Variants in PTGER4 observed in about 807,000 individuals in gnomAD.
The protein encoded by PTGER4 is prostaglandin E2 receptor EP4 subtype.
PTGER4 carries 11 observed loss-of-function variants against 33.2 expected under a neutral mutation model. The ratio of observed to expected loss-of-function variants is 0.33; its 90% CI spans 0.21 to 0.55. The LOEUF is 0.55. Ranked by LOEUF, PTGER4 falls within the 20% of genes least tolerant of loss-of-function variation. The pLI is 0.92. For missense variants in PTGER4, 481 were observed against 650.2 expected (o/e 0.74, Z 2.83); for synonymous variants, 275 against 281.5 (o/e 0.98, Z 0.23).
intron 2 of PTGER4, among the ~76,000 whole-genome samples, chr5:40,689,206 G>A (rs780814657): frequency 6.6e-6 from 1 of 152,166 alleles, no homozygotes; most frequent in Non-Finnish European, 1.5e-5. Context: ...ATTTTGCAAT[G>A]AGTGTAAGTT....
chr5:40,692,005 A>T lies in PTGER4; in HGVS notation c.1094A>T (p.Asp365Val). 6.2e-7 allele frequency: 1 copy of T among 1,614,204 alleles called. No homozygotes were observed. The highest frequency in any genetic ancestry group is 8.5e-7 in the Non-Finnish European group (1 of 1,180,032). Residue 365 changes from aspartate to valine, a missense_variant, in exon 3 of 3, where the codon GAC becomes GTC. This residue lies in a region of PTGER4 where 172 missense variants were observed against 199.2 expected (regional missense o/e 0.86). Transcript: ENST00000302472. ...GAGCGCTCCGGACAGCACTGCTCAGACAGTCAAAGGACATCTTCTGCCATG... is the reference window on the plus strand; with the variant it reads ...GAGCGCTCCGGACAGCACTGCTCAGTCAGTCAAAGGACATCTTCTGCCATG... ...RRERSGQHCS[D>V]SQRTSSAMSG...
downstream of PTGER4, among the ~76,000 whole-genome samples, chr5:40,694,332 T>G (rs1232522435): frequency 6.6e-6 from 1 of 152,260 alleles, no homozygotes; most frequent in Non-Finnish European, 1.5e-5. Context: ...ATTGCAGGCA[T>G]GAGCCACCAT....
the PTGER4 span, among the ~76,000 whole-genome samples, chr5:40,723,958 T>A: frequency 1.3e-5 from 2 of 152,116 alleles, no homozygotes; most frequent in Non-Finnish European, 2.9e-5. Flanking sequence ...TGCAAAATGG[T>A]GTAGCCATTA....
chr5:40,736,029 A>T, the PTGER4 span, among the ~76,000 whole-genome samples: 1 of 152,178 alleles, frequency 6.6e-6, no homozygotes, highest in Non-Finnish European at 1.5e-5. Context: ...AGCAAGAAGG[A>T]CCGAGAGAAA....
At chr5:40,695,155 AATCTC>A (rs1365140977), downstream of PTGER4, among the ~76,000 whole-genome samples, 1 of 152,230 alleles carries the variant, frequency 6.6e-6, no homozygotes, top group African/African-American at 2.4e-5. Context: ...TCACACCTGT[AATCTC>A]AACACTTTGG....
the PTGER4 span, among the ~76,000 whole-genome samples, chr5:40,706,957 T>G: frequency 2.6e-5 from 4 of 152,022 alleles, no homozygotes. Context: ...AGAAATAAAA[T>G]CCTTTCCAGA....
rs1741238695 is a variant in PTGER4 at position 40,683,087 on chromosome 5, T to C, written c.867+1227T>C. 6.6e-6 allele frequency among the ~76,000 whole-genome samples: 1 copy of C among 152,244 alleles called. No individual in the cohort carries two copies. Among genetic ancestry groups the C allele is most frequent in the Non-Finnish European group, 1.5e-5 (1 of 68,042 alleles). ...TGAGTTCTTCCATCTTCCAAAACAC[T>C]GCATTCCTGGAAATTCTAAACTACC... is the stretch of plus-strand genomic sequence containing the variant. On this transcript the variant is annotated intron_variant, in intron 2 of 2. Transcript: ENST00000302472. This position sits in a 1 kb window ranked among gnomAD's most constrained non-coding sequence, Gnocchi z 4.2.
chr5:40,734,115 AT>A, the PTGER4 span, among the ~76,000 whole-genome samples: 39 of 152,340 alleles, frequency 2.6e-4, no homozygotes, highest in South Asian at 6.2e-4. Context: ...AAAGCAAGAA[AT>A]GGTGGGTATT....
At chr5:40,737,521 A>T in the PTGER4 span, among the ~76,000 whole-genome samples, 4 of 152,266 alleles carry the variant, frequency 2.6e-5, no homozygotes, top group African/African-American at 9.6e-5. Context: ...GATATATGAA[A>T]CGAATATAGA....
At chr5:40,728,225 C>G in the PTGER4 span, 1 of 764,610 alleles carries the variant, frequency 1.3e-6, no homozygotes, top group Non-Finnish European at 1.8e-6. Context: ...CGGAGGTTGC[C>G]GTGAGCTGAG....
At chr5:40,711,576 T>C in the PTGER4 span, among the ~76,000 whole-genome samples, 1 of 152,108 alleles carries the variant, frequency 6.6e-6, no homozygotes, top group African/African-American at 2.4e-5. Flanking sequence ...ACACATAGAA[T>C]TGTGATTTAT....
At chr5:40,696,782 T>C (rs1741590060), downstream of PTGER4, 2 of 859,742 alleles carry the variant, frequency 2.3e-6, no homozygotes, top group Non-Finnish European at 2.8e-6. Flanking sequence ...TTCTCTTTCT[T>C]GAGAAGGGGT....
the PTGER4 span, among the ~76,000 whole-genome samples, chr5:40,719,538 T>C: frequency 1.3e-5 from 2 of 152,366 alleles, no homozygotes; most frequent in Admixed American, 1.3e-4. Context: ...TGTGTGGACA[T>C]ATGTCTTCAT....
At chr5:40,745,295 A>C in the PTGER4 span, among the ~76,000 whole-genome samples, 1 of 147,712 alleles carries the variant, frequency 6.8e-6, no homozygotes, top group African/African-American at 2.5e-5. Context: ...GGTTTGATAA[A>C]AGATATGTTA....
At chr5:40,744,983 C>T in the PTGER4 span, among the ~76,000 whole-genome samples, 1 of 152,042 alleles carries the variant, frequency 6.6e-6, no homozygotes, top group Non-Finnish European at 1.5e-5. Flanking sequence ...TAGACTCAAT[C>T]TCTACACCTA....
chr5:40,721,563 A>T, the PTGER4 span, among the ~76,000 whole-genome samples: 1 of 152,158 alleles, frequency 6.6e-6, no homozygotes, highest in African/African-American at 2.4e-5. Context: ...CGTGCAAAAG[A>T]ATGAAAATGG....
the PTGER4 span, among the ~76,000 whole-genome samples, chr5:40,733,221 G>C: frequency 2.0e-5 from 3 of 152,148 alleles, no homozygotes; most frequent in African/African-American, 4.8e-5. Context: ...TAAGAACCTG[G>C]ATGTTTGAGG....
the PTGER4 span, among the ~76,000 whole-genome samples, chr5:40,739,666 A>G: frequency 6.6e-6 from 1 of 152,132 alleles, no homozygotes; most frequent in Non-Finnish European, 1.5e-5. Flanking sequence ...GGCTCCCCAG[A>G]AGCTGAGCAG....
the PTGER4 span, among the ~76,000 whole-genome samples, chr5:40,736,017 C>A: frequency 6.6e-6 from 1 of 151,940 alleles, no homozygotes. Context: ...TGTTTGCATG[C>A]CAGCAAGAAG....
Sources: allele counts gnomAD v4.1 joint callset (sites outside exome capture counted in the v4.1 genomes callset), GRCh38; gene constraint gnomAD v4.1.1; regional missense constraint gnomAD v4.1.1; non-coding constraint Gnocchi (gnomAD v3.1); transcripts MANE v1.5; gene names NCBI Gene and HGNC (gene_info 2026-07-23, HGNC 2026-07-21).